PRR12: variants seen among roughly 807,000 people sequenced by gnomAD.
The protein encoded by PRR12 is proline-rich protein 12.
Under a neutral mutation model 138.0 loss-of-function variants are expected in PRR12, and 12 were observed. The ratio of observed to expected loss-of-function variants is 0.09; its 90% CI spans 0.06 to 0.14. The LOEUF is 0.14. Among genes scored for constraint, PRR12 ranks in the 10% least tolerant of loss-of-function variants. The pLI, the probability that PRR12 is intolerant of heterozygous loss-of-function variation, is 1.00. For synonymous variants in PRR12, 1,567 were observed against 1,291.7 expected (o/e 1.21, Z -4.57); for missense variants, 2,692 against 2,861.3 (o/e 0.94, Z 1.35).
rs2080880361 is a variant in PRR12, at chr19:49,614,234, T to G, written c.4774-299T>G. 6.6e-6 allele frequency among the ~76,000 whole-genome samples: 1 copy of G among 152,176 alleles called. No individual in the cohort carries two copies. The highest frequency in any genetic ancestry group is 2.4e-5 in the African/African-American group (1 of 41,440). On this transcript the variant is annotated intron_variant, in intron 6 of 13. Transcript: ENST00000418929. This position sits in a 1 kb window ranked among gnomAD's most constrained non-coding sequence, Gnocchi z 5.0. ...AGCAGGCGGTGTTCAAAGATTGTCA[T>G]TACTCTGAGTCACACAGGAAGTTTT...
Position 49,609,942 on chromosome 19 carries a change from C to T in PRR12, c.4774-4591C>T, listed in dbSNP as rs559136710. Reference sequence around the variant, plus strand: ...CACAGCCTCTGTCCTGGGACGGACTCCCCTGTCAATGGGACCCTGCAGTTT... The same window carrying T: ...CACAGCCTCTGTCCTGGGACGGACTTCCCTGTCAATGGGACCCTGCAGTTT... On this transcript the variant is annotated intron_variant, in intron 6 of 13. Coordinates refer to ENST00000418929, the MANE Select transcript of PRR12 (RefSeq NM_020719.3). Among the ~76,000 whole-genome samples, 62 of 152,248 alleles carry T rather than the reference C, an allele frequency of 4.1e-4. 2 individuals carry two copies. The South Asian group carries it at 4.4e-3, about 11-fold the overall frequency.
chr19:49,593,202 C>T, intron 1 of PRR12, 125 bp from the exon 2 acceptor site: 1 of 608,524 alleles, frequency 1.6e-6, no homozygotes, highest in East Asian at 2.9e-5. Context: ...CCTACGGTTC[C>T]TTAGCTTAAC....
rs560675926 is a variant in PRR12, at chr19:49,622,313, G to GC, written c.5721+692dup. On this transcript the variant is annotated intron_variant, in intron 11 of 13. Coordinates refer to ENST00000418929, the MANE Select transcript of PRR12 (RefSeq NM_020719.3). Reference sequence around the variant, plus strand: ...ATACGCAGGAAGGCCGGGCACAGTGGCTCACGCCTGTGATCCTAGCACTTT... The same window carrying GC: ...ATACGCAGGAAGGCCGGGCACAGTGGCCTCACGCCTGTGATCCTAGCACTTT... 2.4e-4 allele frequency among the ~76,000 whole-genome samples: 36 copies of GC among 152,280 alleles called. No homozygotes were observed. The East Asian group carries it at 6.2e-3, about 26-fold the overall frequency.
At chr19:49,622,349 GGCC>G (rs1264316029) in intron 11 of PRR12, among the ~76,000 whole-genome samples, 3 of 152,094 alleles carry the variant, frequency 2.0e-5, no homozygotes, top group African/African-American at 7.2e-5. Context: ...GGGAAGCCAA[GGCC>G]GGTAGATGGC....
At chr19:49,610,515 G>A (rs556607187) in intron 6 of PRR12, among the ~76,000 whole-genome samples, 2 of 150,758 alleles carry the variant, frequency 1.3e-5, no homozygotes, top group Non-Finnish European at 1.5e-5. Context: ...GAACCTGGGA[G>A]TTGGGCATGC....
Position 49,594,575 on chromosome 19 carries a change from C to T in PRR12, c.321C>T (p.Ser107=), listed in dbSNP as rs748088869. 29 of 1,613,112 alleles carry T rather than the reference C, an allele frequency of 1.8e-5. No homozygotes were observed. The Admixed American group carries it at 3.2e-4, about 18-fold the overall frequency. ...GCCCCCAGCCTGGCCCCTCCGCCTC[C>T]TCTCTCCTCTCCCAGTTCCGCAGTC... ...SRGPQPGPSA[S]SLLSQFRSPS... The change falls in exon 3 of 14, where the codon TCC becomes TCT. Residue 107 remains serine, a synonymous_variant. Transcript: ENST00000418929. The surrounding 1 kb of genome is among the most constrained non-coding windows in gnomAD (Gnocchi z 5.6).
chr19:49,622,928 T>TATATATAG (rs1320368074), intron 11 of PRR12, among the ~76,000 whole-genome samples: 77 of 77,754 alleles, frequency 9.9e-4, no homozygotes, highest in Non-Finnish European at 1.3e-3. Context: ...TATATATATA[T>TATATATAG]AGAGAGAGAG....
chr19:49,623,685 A>G (rs1015527304), intron 11 of PRR12, among the ~76,000 whole-genome samples: 1 of 150,518 alleles, frequency 6.6e-6, no homozygotes, highest in Non-Finnish European at 1.5e-5. Context: ...GATAGGGCTG[A>G]GAATTCTGGG....
chr19:49,601,304 G>T (rs1213916235), intron 5 of PRR12, among the ~76,000 whole-genome samples, 187 bp from the exon 6 acceptor site: 1 of 151,456 alleles, frequency 6.6e-6, no homozygotes, highest in African/African-American at 2.5e-5. Flanking sequence ...TAGGAGACAG[G>T]TCTCCTTTGC....
At chr19:49,618,245 CT>C (rs1205212387) in intron 9 of PRR12, among the ~76,000 whole-genome samples, 1 of 152,082 alleles carries the variant, frequency 6.6e-6, no homozygotes, top group Non-Finnish European at 1.5e-5. Flanking sequence ...GTTTCTGCCC[CT>C]GGCCACCCCA....
chr19:49,615,590 G>A (rs28567593), intron 8 of PRR12, among the ~76,000 whole-genome samples, 157 bp from the exon 9 acceptor site: 8,916 of 110,320 alleles, frequency 0.081, 385 homozygotes, highest in Middle Eastern at 0.14. Flanking sequence ...GAGGGAGGGG[G>A]TCAGAGTCCC....
In PRR12 at chr19:49,597,905, C is replaced by T. The variant is rs908538625; in HGVS notation, c.3570C>T (p.Ala1190=). 21 of 1,411,928 alleles carry T rather than the reference C, an allele frequency of 1.5e-5. No individual in the cohort carries two copies. In the East Asian group the frequency reaches 4.7e-4, roughly 32 times the overall value. 87.5% of individuals were successfully genotyped at this position (1,411,928 alleles called of 1,614,324 possible). ...CGACCACTGCGGGGCCCGCCTCGGC[C>T]TCCACGCCCACCGATGGCGCCAAGA... is the stretch of plus-strand genomic sequence containing the variant. ...EVPTTAGPAS[A]STPTDGAKKP... Residue 1190 remains alanine, a synonymous_variant, in exon 4 of 14, where the codon GCC becomes GCT. Coordinates refer to ENST00000418929, the MANE Select transcript of PRR12 (RefSeq NM_020719.3). This position sits in a 1 kb window ranked among gnomAD's most constrained non-coding sequence, Gnocchi z 6.3.
Position 49,599,325 on chromosome 19 carries a change from TGCCATATCA to T in PRR12, c.3734_3742del (p.Ala1245_Ser1247del). The T allele has an allele frequency of 6.2e-7, 1 of 1,613,132 alleles. No homozygotes were observed. The highest frequency in any genetic ancestry group is 1.1e-5 in the South Asian group (1 of 91,030). On this transcript the variant is annotated inframe_deletion, in exon 5 of 14. Coordinates refer to ENST00000418929, the MANE Select transcript of PRR12 (RefSeq NM_020719.3). This position sits in a 1 kb window ranked among gnomAD's most constrained non-coding sequence, Gnocchi z 5.0. The stretch of plus-strand genomic sequence containing the variant: ...AGGGTCTGGGAACCTCATCGGGTGA[TGCCATATCA>T]GGCACTGACCACAACAGCCTGGACT...
At chr19:49,613,811 T>C (rs2080878349) in intron 6 of PRR12, among the ~76,000 whole-genome samples, 1 of 152,158 alleles carries the variant, frequency 6.6e-6, no homozygotes, top group South Asian at 2.1e-4. Context: ...GGGTGGCTTA[T>C]AAGCAACAGA....
intron 9 of PRR12, among the ~76,000 whole-genome samples, chr19:49,617,088 G>A (rs2080896894): frequency 1.3e-5 from 2 of 148,888 alleles, no homozygotes; most frequent in Non-Finnish European, 3.0e-5. Flanking sequence ...CTGAGATCAG[G>A]CCACTGCACT....
chr19:49,595,428 C>T lies in PRR12; in HGVS notation c.1093C>T (p.Pro365Ser), dbSNP rs1453668053. The change falls in exon 4 of 14, where the codon CCT (proline) becomes TCT (serine). Residue 365 changes from proline (P) to serine (S), a missense_variant. Physicochemically the swap from Pro to Ser is moderately conservative, Grantham distance 74. Around this residue, in one of 11 missense-constraint regions of PRR12, gnomAD observed 523 missense variants for 496.4 expected, o/e 1.05. Coordinates refer to ENST00000418929, the MANE Select transcript of PRR12 (RefSeq NM_020719.3). ...TAGASGRATGPEAAGGGGAGG... is the reference protein window; with the variant it reads ...TAGASGRATGSEAAGGGGAGG... ...TGGGGCATCTGGCCGGGCCACGGGCCCTGAGGCAGCAGGGGGCGGTGGGGC... is the reference window on the plus strand; with the variant it reads ...TGGGGCATCTGGCCGGGCCACGGGCTCTGAGGCAGCAGGGGGCGGTGGGGC... 5 of 1,547,034 alleles carry T rather than the reference C, an allele frequency of 3.2e-6. No homozygotes were observed. The highest frequency in any genetic ancestry group is 4.4e-6 in the Non-Finnish European group (5 of 1,146,380).
chr19:49,601,777 G>T lies in PRR12; in HGVS notation c.4632G>T (p.Arg1544=). ...SPEDPELPDT[R]PLHLAKKQET... ...AAGACCCCGAGCTGCCGGACACCCG[G>T]CCCCTGCATCTGGCCAAAAAGCAGG... The change falls in exon 6 of 14, where the codon CGG becomes CGT. Residue 1544 remains arginine (R), a synonymous_variant. Coordinates refer to ENST00000418929, the MANE Select transcript of PRR12 (RefSeq NM_020719.3). 4 of 1,604,504 alleles carry T rather than the reference G, an allele frequency of 2.5e-6. No homozygotes were observed. The highest frequency in any genetic ancestry group is 3.4e-6 in the Non-Finnish European group (4 of 1,177,162).
At position 49,597,988 on chromosome 19, in the gene PRR12, G is replaced by C; in HGVS notation, c.3653G>C (p.Arg1218Pro). The C allele has an allele frequency of 7.2e-7, 1 of 1,388,888 alleles. No homozygotes were observed. The highest frequency in any genetic ancestry group is 9.3e-7 in the Non-Finnish European group (1 of 1,074,178). The allele number at this position is 1,388,888 out of a possible 1,614,324, so 86.0% of individuals were successfully genotyped here. A position where few individuals can be genotyped will look rare whatever the true frequency, so the allele number is the denominator to read the frequency against. Residue 1218 changes from arginine to proline, a missense_variant, in exon 4 of 14, where the codon CGG (arginine) becomes CCG (proline). Physicochemically the swap from Arg to Pro is moderately radical, Grantham distance 103. Transcript: ENST00000418929. The surrounding 1 kb of genome is among the most constrained non-coding windows in gnomAD (Gnocchi z 6.3). ...GRKAEEAGGT[R>P]LEPLKPLKIK... ...AAGGCTGAGGAGGCAGGGGGCACCC[G>C]GTTGGAGCCCCTGAAGCCACTTAAG...
chr19:49,607,361 G>GCGCGCACACACACACACACACACACA (rs1555742564), intron 6 of PRR12, among the ~76,000 whole-genome samples: 7 of 147,760 alleles, frequency 4.7e-5, no homozygotes, highest in Admixed American at 2.7e-4. Context: ...ATGTACGTGT[G>GCGCGCACACACACACACACACACACA]CACACACACA....
Sources: allele counts gnomAD v4.1 joint callset (sites outside exome capture counted in the v4.1 genomes callset), GRCh38; gene constraint gnomAD v4.1.1; regional missense constraint gnomAD v4.1.1; non-coding constraint Gnocchi (gnomAD v3.1); transcripts MANE v1.5; gene names NCBI Gene and HGNC (gene_info 2026-07-23, HGNC 2026-07-21).